SLC26A2: variants seen among roughly 807,000 people sequenced by gnomAD.
SLC26A2 encodes the protein solute carrier family 26 member 2.
Under a neutral mutation model 41.1 loss-of-function variants are expected in SLC26A2, and 36 were observed. The ratio of observed to expected loss-of-function variants is 0.88; its 90% confidence interval spans 0.67 to 1.16. The LOEUF (loss-of-function observed/expected upper bound fraction) is 1.16, where lower values mean the gene tolerates loss of function less well. Ranked by LOEUF, SLC26A2 falls within the 50% of genes most tolerant of loss-of-function variation. The pLI is 0.00. For missense variants in SLC26A2, 796 were observed against 869.6 expected, an observed-to-expected ratio of 0.92 and a Z score of 1.07; for synonymous variants, 291 against 311.6, an observed-to-expected ratio of 0.93 and a Z score of 0.70.
chr5:149,971,898 A>C (rs755537585), intron 1 of SLC26A2, among the ~76,000 whole-genome samples: 1 of 152,206 alleles, frequency 6.6e-6, no homozygotes, highest in Non-Finnish European at 1.5e-5. Context: ...TGCAGATTCA[A>C]GTCTAGCTTT....
intron 2 of SLC26A2, among the ~76,000 whole-genome samples, chr5:149,978,813 G>C (rs1183553688): frequency 6.6e-6 from 1 of 151,812 alleles, no homozygotes; most frequent in Non-Finnish European, 1.5e-5. Context: ...TCAACCTCCT[G>C]AGTAGCTAGG....
chr5:149,972,137 A>G (rs778675280), intron 1 of SLC26A2, among the ~76,000 whole-genome samples: 1 of 152,236 alleles, frequency 6.6e-6, no homozygotes, highest in African/African-American at 2.4e-5. Flanking sequence ...CAGGTTAGAT[A>G]TGTTCCTCCC....
chr5:149,975,477 G>A (rs1305261269), intron 1 of SLC26A2, among the ~76,000 whole-genome samples: 2 of 152,126 alleles, frequency 1.3e-5, no homozygotes, highest in African/African-American at 4.8e-5. Context: ...TTTTCACCCA[G>A]AAATCACCAA....
rs11450678 is a variant in SLC26A2 at position 149,979,991 on chromosome 5, G to GA, written c.700-292dup. On this transcript the variant is annotated intron_variant, in intron 2 of 2. Transcript: ENST00000286298. ...GTCTGTTCTTTGTGATGGGAAGAATGAAAAAAAAAAGAGGTATGAACCTTA... is the reference window on the plus strand; with the variant it reads ...GTCTGTTCTTTGTGATGGGAAGAATGAAAAAAAAAAAGAGGTATGAACCTTA... 0.14 allele frequency among the ~76,000 whole-genome samples: 21,292 copies of GA among 147,226 alleles called. 1,675 individuals are homozygous for GA. Among genetic ancestry groups the GA allele is most frequent in the Admixed American group, 0.27 (4,059 of 14,898 alleles).
At position 149,982,018 on chromosome 5, in the gene SLC26A2, G is replaced by C; in HGVS notation, c.*205G>C. ...GACAGAGTCAAAAAGAAGAAAATAC[G>C]GTTTCAGGCTTTCTTGCAGATATGA... On this transcript the variant is annotated 3_prime_UTR_variant, in exon 3 of 3. Coordinates refer to ENST00000286298, the MANE Select transcript of SLC26A2 (RefSeq NM_000112.4). 1 of 572,906 alleles carries C rather than the reference G, an allele frequency of 1.7e-6. No homozygotes were observed. The highest frequency in any genetic ancestry group is 3.1e-6 in the Non-Finnish European group (1 of 324,978). The allele number at this position is 572,906 out of a possible 1,614,324, so 35.5% of individuals were successfully genotyped here.
rs1047953800 is a variant in SLC26A2 at position 149,986,820 on chromosome 5, C to T, written c.*5007C>T. 3 of 152,164 alleles carry T rather than the reference C, an allele frequency of 2.0e-5. No homozygotes were observed. The highest frequency in any genetic ancestry group is 1.3e-4 in the Admixed American group (2 of 15,270). The allele number at this position is 152,164 out of a possible 1,614,324, so 9.4% of individuals were successfully genotyped here. ...ACTTATTTTGGAGATGTTCTCTTCCCTTATCTCATGCGTCATCCCTAAAAT... is the reference window on the plus strand; with the variant it reads ...ACTTATTTTGGAGATGTTCTCTTCCTTTATCTCATGCGTCATCCCTAAAAT... On this transcript the variant is annotated 3_prime_UTR_variant, in exon 3 of 3. Coordinates refer to ENST00000286298, the MANE Select transcript of SLC26A2 (RefSeq NM_000112.4).
chr5:149,970,759 G>T (rs6879120), intron 1 of SLC26A2, among the ~76,000 whole-genome samples: 6,568 of 152,144 alleles, frequency 0.043, 456 homozygotes, highest in African/African-American at 0.15. Context: ...TAGTGAGAAG[G>T]GATTGGATTA....
intron 1 of SLC26A2, among the ~76,000 whole-genome samples, chr5:149,976,940 G>C (rs1001396297): frequency 6.6e-6 from 1 of 152,170 alleles, no homozygotes; most frequent in African/African-American, 2.4e-5. Flanking sequence ...TGAGACACTT[G>C]GCCCATCGAC....
chr5:149,974,857 C>G (rs1754966585), intron 1 of SLC26A2, among the ~76,000 whole-genome samples: 1 of 151,542 alleles, frequency 6.6e-6, no homozygotes, highest in Admixed American at 6.6e-5. Flanking sequence ...TCGCGAGTAG[C>G]TGGGATTACA....
At chr5:149,969,793 G>T (rs1289138858) in intron 1 of SLC26A2, among the ~76,000 whole-genome samples, 2 of 152,184 alleles carry the variant, frequency 1.3e-5, no homozygotes, top group African/African-American at 4.8e-5. Context: ...ACTATACTGT[G>T]ATCTTTCACT....
At chr5:149,966,345 G>T (rs1262619510) in intron 1 of SLC26A2, among the ~76,000 whole-genome samples, 3 of 152,216 alleles carry the variant, frequency 2.0e-5, no homozygotes, top group Non-Finnish European at 4.4e-5. Context: ...GGGACAGAGG[G>T]TTATGACTTG....
chr5:149,971,052 A>G (rs938251276), intron 1 of SLC26A2, among the ~76,000 whole-genome samples: 5 of 152,244 alleles, frequency 3.3e-5, no homozygotes, highest in African/African-American at 9.6e-5. Context: ...ACTTGAGGAC[A>G]TTAATGGAGT....
intron 2 of SLC26A2, 134 bp downstream of exon 2, chr5:149,978,485 A>G: frequency 1.2e-6 from 1 of 858,992 alleles, no homozygotes; most frequent in Non-Finnish European, 1.9e-6. Context: ...TATGAAGGGT[A>G]GAGGCAAAAT....
rs200897133 is a variant in SLC26A2, at chr5:149,981,226, C to T, written c.1633C>T (p.Arg545Cys). 4.0e-5 allele frequency: 65 copies of T among 1,614,078 alleles called. No individual in the cohort carries two copies. The highest frequency in any genetic ancestry group is 1.8e-4 in the East Asian group (8 of 44,886). Residue 545 changes from arginine (R) to cysteine (C), a missense_variant, in exon 3 of 3, where the codon CGC becomes TGC. By Grantham distance (180) the Arg-to-Cys change is radical. Transcript: ENST00000286298. ...TTTTTCTATATTTTGTGTCATCCTCCGCACTCAGAAGCCAAAGAGTTCACT... is the reference window on the plus strand; with the variant it reads ...TTTTTCTATATTTTGTGTCATCCTCTGCACTCAGAAGCCAAAGAGTTCACT... Reference protein sequence around the residue: ...VCFSIFCVILRTQKPKSSLLG... With the variant: ...VCFSIFCVILCTQKPKSSLLG...
At position 149,982,041 on chromosome 5, in the gene SLC26A2, T is replaced by C. The variant is rs1348418086; in HGVS notation, c.*228T>C. 9.1e-6 allele frequency: 5 copies of C among 548,432 alleles called. No homozygotes were observed. Among genetic ancestry groups the C allele is most frequent in the Non-Finnish European group, 1.6e-5 (5 of 310,170 alleles). The allele number at this position is 548,432 out of a possible 1,614,324, so 34.0% of individuals were successfully genotyped here. Reference sequence around the variant, plus strand: ...ACGGTTTCAGGCTTTCTTGCAGATATGAAGTATTCTTGGAATGCAATAAGT... The same window carrying C: ...ACGGTTTCAGGCTTTCTTGCAGATACGAAGTATTCTTGGAATGCAATAAGT... On this transcript the variant is annotated 3_prime_UTR_variant, in exon 3 of 3. Transcript: ENST00000286298.
intron 1 of SLC26A2, among the ~76,000 whole-genome samples, chr5:149,970,744 G>A (rs1460968621): frequency 1.3e-5 from 2 of 152,260 alleles, no homozygotes; most frequent in East Asian, 3.9e-4. Flanking sequence ...AGGATGGTAG[G>A]ACAATAGTGA....
At position 149,981,390 on chromosome 5, in the gene SLC26A2, A is replaced by G. The variant is rs761543121; in HGVS notation, c.1797A>G (p.Leu599=). 1.5e-5 allele frequency: 24 copies of G among 1,614,052 alleles called. No individual in the cohort carries two copies. In the South Asian group the frequency reaches 1.6e-4, roughly 11 times the overall value. Residue 599 remains leucine, a synonymous_variant, in exon 3 of 3, where the codon TTA becomes TTG. Transcript: ENST00000286298. The stretch of plus-strand genomic sequence containing the variant: ...ACAAAGAATGCTTTAAATCTGCTTT[A>G]TACAAACAAACTGTCAACCCAATCT... ...YINKECFKSA[L]YKQTVNPILI...
rs954088228 is a variant in SLC26A2 at position 149,981,868 on chromosome 5, A to T, written c.*55A>T. On this transcript the variant is annotated 3_prime_UTR_variant, in exon 3 of 3. Transcript: ENST00000286298. ...CAATAGGTTAAAATTTCAAGTGTCCAACATTTCCCAGTTCCACAGTGGGAA... is the reference window on the plus strand; with the variant it reads ...CAATAGGTTAAAATTTCAAGTGTCCTACATTTCCCAGTTCCACAGTGGGAA... The T allele has an allele frequency of 2.1e-5, 29 of 1,396,466 alleles. No individual in the cohort carries two copies. The highest frequency in any genetic ancestry group is 2.9e-5 in the Non-Finnish European group (29 of 996,052). The allele number at this position is 1,396,466 out of a possible 1,614,324, so 86.5% of individuals were successfully genotyped here.
chr5:149,977,503 A>G (rs1182707468), intron 1 of SLC26A2, 125 bp from the exon 2 acceptor site: 1 of 682,518 alleles, frequency 1.5e-6, no homozygotes, highest in South Asian at 1.6e-5. Flanking sequence ...AGGAAAAGGG[A>G]CATAAGATAC....
Sources: gnomAD v4.1 joint callset for allele counts (sites outside exome capture counted in the v4.1 genomes callset) on GRCh38, gnomAD v4.1.1 for gene constraint, MANE v1.5 for transcripts, NCBI Gene and HGNC (gene_info 2026-07-23, HGNC 2026-07-21) for gene names.